Variants in PDE4D observed in about 807,000 individuals in gnomAD.
The protein encoded by PDE4D is 3',5'-cyclic-AMP phosphodiesterase 4D.
A neutral mutation model predicts 87.4 loss-of-function variants in PDE4D; 24 were observed. The observed-to-expected ratio is 0.27, with a 90% confidence interval of 0.20 to 0.39. PDE4D has a LOEUF of 0.39. Among genes scored for constraint, PDE4D ranks in the 10% least tolerant of loss-of-function variants. The probability of loss-of-function intolerance (pLI) is 1.00; values close to 1 mark genes in which losing one functional copy is unlikely to be tolerated. For missense variants in PDE4D, 714 were observed against 1,041.0 expected, an observed-to-expected ratio of 0.69 and a Z score of 4.32; for synonymous variants, 384 against 383.2, an observed-to-expected ratio of 1.00 and a Z score of -0.02.
chr5:60,359,914 A>G (rs749505201), intron 1 of PDE4D, among the ~76,000 whole-genome samples: 1 of 151,920 alleles, frequency 6.6e-6, no homozygotes, highest in Non-Finnish European at 1.5e-5. Flanking sequence ...CCTTCCTCAC[A>G]TTCATCCTCT....
intron 1 of PDE4D, chr5:60,430,831 A>T (rs1014304277): frequency 7.9e-6 from 2 of 251,704 alleles, no homozygotes; most frequent in Non-Finnish European, 1.6e-5. Context: ...TGGACACAGC[A>T]CATGTTTCAG....
At chr5:59,007,078 A>G (rs751160804) in intron 6 of PDE4D, among the ~76,000 whole-genome samples, 3 of 152,190 alleles carry the variant, frequency 2.0e-5, no homozygotes, top group African/African-American at 4.8e-5. Flanking sequence ...AATATAATCA[A>G]TTCTAAGCTG....
rs934288564 is a variant in PDE4D at position 59,499,802 on chromosome 5, G to T, written c.456-283834C>A. 5.9e-5 allele frequency among the ~76,000 whole-genome samples: 9 copies of T among 151,448 alleles called. No individual in the cohort carries two copies. The East Asian group carries it at 7.8e-4, about 13-fold the overall frequency. Reference sequence around the variant, plus strand: ...ATAAAAAACCTAATGTCCAAAAATAGCCCTGAACCAAATGGATTCACAGCT... The same window carrying T: ...ATAAAAAACCTAATGTCCAAAAATATCCCTGAACCAAATGGATTCACAGCT... On this transcript the variant is annotated intron_variant, in intron 1 of 14. Coordinates refer to ENST00000340635, the MANE Select transcript of PDE4D (RefSeq NM_001104631.2).
intron 2 of PDE4D, among the ~76,000 whole-genome samples, chr5:60,008,033 T>G (rs528303533): frequency 6.6e-6 from 1 of 151,992 alleles, no homozygotes; most frequent in East Asian, 1.9e-4. Flanking sequence ...ATGAATAAAA[T>G]AGCCAGTCTC....
At chr5:59,672,684 C>T (rs1561449375) in intron 1 of PDE4D, among the ~76,000 whole-genome samples, 2 of 151,974 alleles carry the variant, frequency 1.3e-5, no homozygotes, top group African/African-American at 4.8e-5. Flanking sequence ...ACAAAAAGTC[C>T]AGAGTGTATC....
chr5:59,703,029 C>A (rs896019963), intron 1 of PDE4D, among the ~76,000 whole-genome samples: 1 of 152,122 alleles, frequency 6.6e-6, no homozygotes, highest in Non-Finnish European at 1.5e-5. Context: ...AAACGTGGAA[C>A]TGTCTTCAAT....
At chr5:60,107,980 G>T (rs1357017037) in intron 2 of PDE4D, among the ~76,000 whole-genome samples, 3 of 152,180 alleles carry the variant, frequency 2.0e-5, no homozygotes, top group South Asian at 2.1e-4. Flanking sequence ...ACCACTCCTA[G>T]TCAACATAGT....
intron 3 of PDE4D, among the ~76,000 whole-genome samples, chr5:59,984,661 C>G (rs924247325): frequency 5.9e-5 from 9 of 152,174 alleles, no homozygotes; most frequent in Non-Finnish European, 1.2e-4. Context: ...CCAAGTACTT[C>G]ATGAGGAAGC....
intron 1 of PDE4D, among the ~76,000 whole-genome samples, chr5:59,715,903 TC>T (rs1754949380): frequency 6.6e-6 from 1 of 152,218 alleles, no homozygotes; most frequent in Non-Finnish European, 1.5e-5. Context: ...GGTCTGGGGT[TC>T]CACCCTGTGG....
At chr5:59,344,895 A>G (rs1779371990) in intron 1 of PDE4D, among the ~76,000 whole-genome samples, 1 of 152,178 alleles carries the variant, frequency 6.6e-6, no homozygotes, top group Admixed American at 6.5e-5. Flanking sequence ...GTTATCACAC[A>G]TACTAAATTT....
At chr5:59,663,938 T>C (rs1380719623) in intron 1 of PDE4D, among the ~76,000 whole-genome samples, 1 of 152,238 alleles carries the variant, frequency 6.6e-6, no homozygotes, top group African/African-American at 2.4e-5. Flanking sequence ...GCCTCCTTTT[T>C]CAACCTCCTT....
chr5:59,521,612 A>T (rs1812253978), intron 1 of PDE4D, among the ~76,000 whole-genome samples: 2 of 151,584 alleles, frequency 1.3e-5, no homozygotes, highest in Admixed American at 1.3e-4. Context: ...AGCAAATCTT[A>T]TATTATCTGT....
At chr5:59,284,254 T>C (rs1278038843) in intron 1 of PDE4D, among the ~76,000 whole-genome samples, 2 of 152,144 alleles carry the variant, frequency 1.3e-5, no homozygotes, top group Admixed American at 6.6e-5. Context: ...CAGCACCATA[T>C]GGTCATCCTC....
chr5:60,134,796 T>A (rs1277144475), intron 2 of PDE4D, among the ~76,000 whole-genome samples: 1 of 152,276 alleles, frequency 6.6e-6, no homozygotes, highest in South Asian at 2.1e-4. Context: ...CAGTGCAAAC[T>A]TTTCTCTTAA....
At chr5:60,270,466 C>T (rs1176827631) in intron 1 of PDE4D, among the ~76,000 whole-genome samples, 1 of 152,044 alleles carries the variant, frequency 6.6e-6, no homozygotes, top group Non-Finnish European at 1.5e-5. Flanking sequence ...GACTATATAC[C>T]TAGAATGGTA....
At chr5:59,168,499 C>A (rs1015489148) in intron 5 of PDE4D, among the ~76,000 whole-genome samples, 1 of 152,166 alleles carries the variant, frequency 6.6e-6, no homozygotes, top group Non-Finnish European at 1.5e-5. Context: ...GAATCCTATA[C>A]CCCCTGGCAG....
chr5:59,414,261 A>G (rs1455506089), intron 1 of PDE4D, among the ~76,000 whole-genome samples: 1 of 152,238 alleles, frequency 6.6e-6, no homozygotes, highest in Non-Finnish European at 1.5e-5. Context: ...CAGAGAGGGT[A>G]GGCAACTTGG....
At chr5:60,144,213 C>G (rs1163848006) in intron 2 of PDE4D, among the ~76,000 whole-genome samples, 1 of 152,188 alleles carries the variant, frequency 6.6e-6, no homozygotes, top group African/African-American at 2.4e-5. Flanking sequence ...CTGTCTGGCT[C>G]TGTTTCTCCA....
intron 1 of PDE4D, among the ~76,000 whole-genome samples, chr5:59,598,975 CACCTTGAA>C (rs1827103062): frequency 6.6e-6 from 1 of 152,208 alleles, no homozygotes; most frequent in African/African-American, 2.4e-5. Flanking sequence ...CTGTTTTCCA[CACCTTGAA>C]TGCACATCTC....
Sources: allele counts gnomAD v4.1 joint callset (sites outside exome capture counted in the v4.1 genomes callset), GRCh38; gene constraint gnomAD v4.1.1; transcripts MANE v1.5; gene names NCBI Gene and HGNC (gene_info 2026-07-23, HGNC 2026-07-21).